The following ZFAND3 variants were observed in gnomAD, a reference collection of about 807,000 sequenced individuals.
The protein encoded by ZFAND3 is zinc finger AN1-type containing 3.
Under a neutral mutation model 29.6 loss-of-function variants are expected in ZFAND3, and 10 were observed. That is an observed-to-expected ratio of 0.34 (90% CI 0.21 to 0.57). The LOEUF (loss-of-function observed/expected upper bound fraction) is 0.57. ZFAND3 is among the 20% of genes least tolerant of loss of function. The pLI is 0.86. For missense variants in ZFAND3, 230 were observed against 304.5 expected (o/e 0.76, Z 1.82); for synonymous variants, 128 against 112.6 (o/e 1.14, Z -0.87).
chr6:37,823,966 T>G (rs1327932756), intron 1 of ZFAND3, among the ~76,000 whole-genome samples: 1 of 152,144 alleles, frequency 6.6e-6, no homozygotes, highest in Non-Finnish European at 1.5e-5. Context: ...TAATTTTTTA[T>G]TTTTAGTAGA....
Position 37,819,858 on chromosome 6 carries a change from ACGC to A in ZFAND3, c.-80_-78del. ...CCCTCCCCCCGCCCCGAGCCCCCCG[ACGC>A]CGCCGCCACCGCCTCCTCAGAGCGG... On this transcript the variant is annotated 5_prime_UTR_variant, in exon 1 of 6. Transcript: ENST00000287218. 2 of 542,974 alleles carry A rather than the reference ACGC, an allele frequency of 3.7e-6. No homozygotes were observed. The highest frequency in any genetic ancestry group is 5.0e-6 in the Non-Finnish European group (2 of 396,864). The allele number at this position is 542,974 out of a possible 1,614,324, so 33.6% of individuals were successfully genotyped here.
intron 2 of ZFAND3, among the ~76,000 whole-genome samples, chr6:37,973,690 A>G (rs1339359966): frequency 6.6e-6 from 1 of 152,228 alleles, no homozygotes; most frequent in East Asian, 1.9e-4. Flanking sequence ...AGTGTTTCTG[A>G]GAGAAAGTGA....
intron 1 of ZFAND3, among the ~76,000 whole-genome samples, chr6:37,843,006 C>T (rs1764107127): frequency 6.6e-6 from 1 of 151,656 alleles, no homozygotes; most frequent in South Asian, 2.1e-4. Context: ...CCTGTAATCC[C>T]AGCTGCTCAG....
intron 2 of ZFAND3, among the ~76,000 whole-genome samples, chr6:37,986,274 GCTTACTTTACTCA>G (rs1342156321): frequency 6.6e-6 from 1 of 152,110 alleles, no homozygotes; most frequent in Non-Finnish European, 1.5e-5. Context: ...CCTGAGCCTA[GCTTACTTTACTCA>G]CTTACATTAC....
At chr6:37,864,798 CTATATT>C (rs1200323324) in intron 1 of ZFAND3, among the ~76,000 whole-genome samples, 1 of 152,008 alleles carries the variant, frequency 6.6e-6, no homozygotes, top group Non-Finnish European at 1.5e-5. Flanking sequence ...CACTCTCACT[CTATATT>C]TATTCTTTGG....
intron 2 of ZFAND3, among the ~76,000 whole-genome samples, chr6:38,017,740 A>G (rs1353628344): frequency 1.3e-5 from 2 of 152,144 alleles, no homozygotes; most frequent in African/African-American, 2.4e-5. Context: ...TGTATATTTC[A>G]GTCTTCCGGG....
At chr6:38,143,819 T>C (rs1373419827) in intron 5 of ZFAND3, among the ~76,000 whole-genome samples, 2 of 152,154 alleles carry the variant, frequency 1.3e-5, no homozygotes, top group Non-Finnish European at 2.9e-5. Context: ...TATTGGAGTC[T>C]AATGATTTTC....
chr6:38,110,673 C>T (rs16890367), intron 4 of ZFAND3, among the ~76,000 whole-genome samples: 7,165 of 152,200 alleles, frequency 0.047, 493 homozygotes, highest in African/African-American at 0.15. Flanking sequence ...TGATTGAGTA[C>T]CTCAAGAGCT....
At chr6:37,947,436 C>T (rs1402606205) in intron 2 of ZFAND3, among the ~76,000 whole-genome samples, 5 of 151,994 alleles carry the variant, frequency 3.3e-5, no homozygotes, top group South Asian at 2.1e-4. Flanking sequence ...TATTAGTTTC[C>T]TCATTTGTCA....
At chr6:38,128,887 G>T (rs959560632) in intron 5 of ZFAND3, among the ~76,000 whole-genome samples, 3 of 152,150 alleles carry the variant, frequency 2.0e-5, no homozygotes, top group African/African-American at 4.8e-5. Context: ...ATCAATGGTA[G>T]TTTTACTTTT....
intron 5 of ZFAND3, among the ~76,000 whole-genome samples, chr6:38,133,361 T>TC (rs1303491163): frequency 1.3e-5 from 2 of 152,180 alleles, no homozygotes; most frequent in African/African-American, 2.4e-5. Context: ...GCAGTTGTGA[T>TC]CATCTGGGTG....
intron 2 of ZFAND3, among the ~76,000 whole-genome samples, chr6:38,021,113 A>T (rs1037257911): frequency 3.7e-4 from 56 of 152,252 alleles, no homozygotes; most frequent in African/African-American, 1.3e-3. Context: ...TCAACAATTC[A>T]GAAAAAGCAC....
chr6:38,010,364 A>G (rs1487751366), intron 2 of ZFAND3, among the ~76,000 whole-genome samples: 1 of 152,164 alleles, frequency 6.6e-6, no homozygotes, highest in Admixed American at 6.5e-5. Flanking sequence ...CCCCCTTACC[A>G]TCCTTCTAAT....
At chr6:37,974,598 G>A (rs1762449677) in intron 2 of ZFAND3, among the ~76,000 whole-genome samples, 1 of 151,890 alleles carries the variant, frequency 6.6e-6, no homozygotes, top group African/African-American at 2.4e-5. Context: ...GTCTTGCTGT[G>A]CTGCCCAGGC....
At chr6:37,891,590 AAAT>A (rs558125287) in intron 1 of ZFAND3, among the ~76,000 whole-genome samples, 1,917 of 126,558 alleles carry the variant, frequency 0.015, 19 homozygotes, top group Middle Eastern at 0.024. Context: ...CTAAATAAAT[AAAT>A]AATAAATAAA....
intron 4 of ZFAND3, among the ~76,000 whole-genome samples, chr6:38,087,972 T>G (rs1764790766): frequency 1.3e-5 from 2 of 152,238 alleles, no homozygotes; most frequent in Non-Finnish European, 2.9e-5. Context: ...GTTTATATGA[T>G]ATTTTAAAAA....
intron 2 of ZFAND3, among the ~76,000 whole-genome samples, chr6:38,014,342 T>A (rs1763217372): frequency 6.8e-6 from 1 of 147,996 alleles, no homozygotes; most frequent in Non-Finnish European, 1.5e-5. Flanking sequence ...TTTTTTTTTT[T>A]TGAGATGGAG....
At chr6:38,031,044 G>C (rs188856209) in intron 2 of ZFAND3, among the ~76,000 whole-genome samples, 1 of 152,264 alleles carries the variant, frequency 6.6e-6, no homozygotes, top group East Asian at 1.9e-4. Context: ...ATAAGAATGT[G>C]ATAGATCAAG....
intron 2 of ZFAND3, among the ~76,000 whole-genome samples, chr6:38,005,349 G>T (rs1258023452): frequency 6.6e-6 from 1 of 152,198 alleles, no homozygotes; most frequent in Non-Finnish European, 1.5e-5. Flanking sequence ...GACATTGACA[G>T]ATGGTTTCTA....
Sources: gnomAD v4.1 joint callset for allele counts (sites outside exome capture counted in the v4.1 genomes callset) on GRCh38, gnomAD v4.1.1 for gene constraint, MANE v1.5 for transcripts, NCBI Gene and HGNC (gene_info 2026-07-23, HGNC 2026-07-21) for gene names.